KMT2A: variants seen among roughly 807,000 people sequenced by gnomAD.
KMT2A encodes the protein histone-lysine N-methyltransferase 2A.
Under a neutral mutation model 345.3 loss-of-function variants are expected in KMT2A, and 16 were observed. The ratio of observed to expected loss-of-function variants is 0.05; its 90% CI spans 0.03 to 0.07. KMT2A has a LOEUF of 0.07. Among genes scored for constraint, KMT2A ranks in the 10% least tolerant of loss-of-function variants. The pLI, the probability that KMT2A is intolerant of heterozygous loss-of-function variation, is 1.00. For missense variants in KMT2A, 3,272 were observed against 4,841.6 expected, an observed-to-expected ratio of 0.68 and a Z score of 9.62; for synonymous variants, 1,599 against 1,778.6, an observed-to-expected ratio of 0.90 and a Z score of 2.54.
At position 118,481,692 on chromosome 11, in the gene KMT2A, A is replaced by G. The variant is rs368396469; in HGVS notation, c.3635-23A>G. ...AAATTATTCTCACTATAGACAGATG[A>G]TGTTGTTGTGTTTTTCCCTCAGCTG... On this transcript the variant is annotated intron_variant, in intron 6 of 35. Transcript: ENST00000534358. 3.8e-6 allele frequency: 6 copies of G among 1,594,264 alleles called. No homozygotes were observed. In the African/African-American group the frequency reaches 5.4e-5, roughly 14 times the overall value.
rs1451900584 is a variant in KMT2A at position 118,509,289 on chromosome 11, A to AT, written c.10900+92dup. The AT allele has an allele frequency of 5.6e-6, 6 of 1,078,366 alleles. No individual in the cohort carries two copies. The African/African-American group carries it at 9.9e-5, about 18-fold the overall frequency. 66.8% of individuals were successfully genotyped at this position (1,078,366 alleles called of 1,614,324 possible). A position where few individuals can be genotyped will look rare whatever the true frequency, so the allele number is the denominator to read the frequency against. ...CCCACTTTACCTACTTATTTTCTACATTTAAAAAAAAAAATCTAAGCTCCA... is the reference window on the plus strand; with the variant it reads ...CCCACTTTACCTACTTATTTTCTACATTTTAAAAAAAAAAATCTAAGCTCCA... On this transcript the variant is annotated intron_variant, in intron 29 of 35. Coordinates refer to ENST00000534358, the MANE Select transcript of KMT2A (RefSeq NM_001197104.2).
At position 118,505,901 on chromosome 11, in the gene KMT2A, T is replaced by C. The variant is rs782531013; in HGVS notation, c.10009T>C (p.Leu3337=). Residue 3337 remains leucine, a synonymous_variant, in exon 27 of 36, where the codon TTG becomes CTG. Transcript: ENST00000534358. This position sits in a 1 kb window ranked among gnomAD's most constrained non-coding sequence, Gnocchi z 4.6. ...CCTCACATCAGGGTCTGTGTCTGGC[T>C]TGGCATCCAGTTCCTCTGTCTTGAA... The part of the protein sequence containing the change: ...SHLTSGSVSG[L]ASSSSVLNVV... The C allele has an allele frequency of 1.9e-5, 30 of 1,614,092 alleles. No homozygotes were observed. The Admixed American group carries it at 5.0e-4, about 27-fold the overall frequency.
Position 118,490,019 on chromosome 11 carries a change from A to ATTTAATT in KMT2A, c.4576-109_4576-108insTTAATTT. 7.0e-7 allele frequency: 1 copy of ATTTAATT among 1,433,994 alleles called. No homozygotes were observed. The highest frequency in any genetic ancestry group is 2.4e-5 in the East Asian group (1 of 41,886). 88.8% of individuals were successfully genotyped at this position (1,433,994 alleles called of 1,614,324 possible). ...CTTTTTGCCTCATTACTAGGAAATC[A>ATTTAATT]TCTCAGCAGAGAAATTAAATCTATA... On this transcript the variant is annotated intron_variant, in intron 12 of 35. Coordinates refer to ENST00000534358, the MANE Select transcript of KMT2A (RefSeq NM_001197104.2). The surrounding 1 kb of genome is among the most constrained non-coding windows in gnomAD (Gnocchi z 4.2).
intron 1 of KMT2A, among the ~76,000 whole-genome samples, chr11:118,456,085 C>G (rs1231560997): frequency 6.6e-6 from 1 of 152,102 alleles, no homozygotes; most frequent in Admixed American, 6.5e-5. Flanking sequence ...ATCCCACTGC[C>G]TCAGGCCCCC....
At chr11:118,456,552 C>A (rs1555030934) in intron 1 of KMT2A, among the ~76,000 whole-genome samples, 1 of 151,964 alleles carries the variant, frequency 6.6e-6, no homozygotes, top group Non-Finnish European at 1.5e-5. Flanking sequence ...GTTGGCCAGG[C>A]TGGTCTCAAA....
intron 2 of KMT2A, among the ~76,000 whole-genome samples, chr11:118,470,283 G>T (rs782279032): frequency 6.6e-6 from 1 of 152,142 alleles, no homozygotes; most frequent in Non-Finnish European, 1.5e-5. Flanking sequence ...TTTCCGGGCA[G>T]GAGTTGTTTT....
At chr11:118,462,151 A>G (rs999159841) in intron 1 of KMT2A, among the ~76,000 whole-genome samples, 1 of 151,912 alleles carries the variant, frequency 6.6e-6, no homozygotes, top group Non-Finnish European at 1.5e-5. Context: ...ACGGGGTTTC[A>G]CCATGCTGGC....
At position 118,473,507 on chromosome 11, in the gene KMT2A, C is replaced by G. The variant is rs200946943; in HGVS notation, c.2348C>G (p.Ser783Cys). The G allele has an allele frequency of 6.2e-7, 1 of 1,614,152 alleles. No homozygotes were observed. Among genetic ancestry groups the G allele is most frequent in the East Asian group, 2.2e-5 (1 of 44,882 alleles). The change falls in exon 3 of 36, where the codon TCT becomes TGT. Residue 783 changes from serine (S) to cysteine (C), a missense_variant. By Grantham distance (112) the Ser-to-Cys change is moderately radical. This residue lies in a region of KMT2A where 209 missense variants were observed against 237.4 expected (regional missense o/e 0.88). Transcript: ENST00000534358. The surrounding 1 kb of genome is among the most constrained non-coding windows in gnomAD (Gnocchi z 5.2). Reference protein sequence around the residue: ...PSSVSSSLSISVSPLATSALN... With the variant: ...PSSVSSSLSICVSPLATSALN... ...TCTGTCTCTTCCTCGTTAAGCATTT[C>G]TGTTAGTCCTCTTGCCACTAGTGCC...
chr11:118,490,214 C>A lies in KMT2A; in HGVS notation c.4661C>A (p.Ser1554Ter). 1 of 1,579,270 alleles carries A rather than the reference C, an allele frequency of 6.3e-7. No individual in the cohort carries two copies. The highest frequency in any genetic ancestry group is 8.5e-7 in the Non-Finnish European group (1 of 1,170,788). ...GATGCACAGTGGTCTCATGATTTCT[C>A]ACTGTGTCATGATTGCGCCAAGCTC... ...GWDAQWSHDFSLCHDCAKLFA... is the reference protein window; with the variant it reads ...GWDAQWSHDF The change falls in exon 13 of 36, where the codon TCA becomes TAA. Residue 1554 changes from serine (S) to a stop codon, truncating the protein, a stop_gained. Transcript: ENST00000534358. LOFTEE classifies it high-confidence loss of function. The surrounding 1 kb of genome is among the most constrained non-coding windows in gnomAD (Gnocchi z 4.2).
chr11:118,447,595 C>A, intron 1 of KMT2A: 1 of 443,036 alleles, frequency 2.3e-6, no homozygotes, highest in Non-Finnish European at 4.5e-6. Context: ...ACTGATCATC[C>A]CCTTACTTGA....
At chr11:118,440,293 A>G (rs1363759187) in intron 1 of KMT2A, among the ~76,000 whole-genome samples, 1 of 152,212 alleles carries the variant, frequency 6.6e-6, no homozygotes, top group African/African-American at 2.4e-5. Flanking sequence ...TATGACAATT[A>G]GGAAGTAGAA....
In KMT2A at chr11:118,522,237, C is replaced by A; in HGVS notation, c.*65C>A. ...GGGCCATCCAAAGCAACGCTGAAGG[C>A]CTTTTCCAGCAGCTGGGAGCTCCCG... is the stretch of plus-strand genomic sequence containing the variant. On this transcript the variant is annotated 3_prime_UTR_variant, in exon 36 of 36. Transcript: ENST00000534358. The surrounding 1 kb of genome is among the most constrained non-coding windows in gnomAD (Gnocchi z 5.4). 1 of 1,569,948 alleles carries A rather than the reference C, an allele frequency of 6.4e-7. No homozygotes were observed. Among genetic ancestry groups the A allele is most frequent in the Non-Finnish European group, 8.7e-7 (1 of 1,151,034 alleles).
chr11:118,501,237 C>A, intron 25 of KMT2A, 90 bp downstream of exon 25: 3 of 1,186,974 alleles, frequency 2.5e-6, no homozygotes, highest in East Asian at 2.4e-5. Context: ...GCAGGTGAAT[C>A]ACTTGAGGCC....
chr11:118,469,361 A>AT (rs1259122117), intron 2 of KMT2A, among the ~76,000 whole-genome samples: 2 of 151,834 alleles, frequency 1.3e-5, no homozygotes, highest in African/African-American at 2.4e-5. Flanking sequence ...TTTGGCCATT[A>AT]TTTTTTTTGG....
chr11:118,461,826 A>G (rs1949749144), intron 1 of KMT2A, among the ~76,000 whole-genome samples: 1 of 152,206 alleles, frequency 6.6e-6, no homozygotes. Flanking sequence ...TTGGGAAGCC[A>G]ACACTCTTAC....
intron 31 of KMT2A, among the ~76,000 whole-genome samples, chr11:118,513,392 C>CTTT (rs1284065947): frequency 6.9e-6 from 1 of 144,752 alleles, no homozygotes; most frequent in East Asian, 2.0e-4. Flanking sequence ...GGAATTTTAA[C>CTTT]TTTTTTTTTT....
chr11:118,493,185 A>G lies in KMT2A; in HGVS notation c.5133A>G (p.Leu1711=), dbSNP rs556592051. ...AGGATGATCAGCAGCCTTTAGATCT[A>G]GAAGGAGTCAAGAGGAAGATGGACC... ...SKQDDQQPLD[L]EGVKRKMDQG... Residue 1711 remains leucine (L), a synonymous_variant, in exon 16 of 36, where the codon CTA becomes CTG. Transcript: ENST00000534358. This position sits in a 1 kb window ranked among gnomAD's most constrained non-coding sequence, Gnocchi z 5.8. 2 of 1,614,150 alleles carry G rather than the reference A, an allele frequency of 1.2e-6. No individual in the cohort carries two copies. Among genetic ancestry groups the G allele is most frequent in the Admixed American group, 1.7e-5 (1 of 60,032 alleles).
At chr11:118,437,917 TGGG>T (rs780980336) in intron 1 of KMT2A, among the ~76,000 whole-genome samples, 91 of 152,138 alleles carry the variant, frequency 6.0e-4, no homozygotes, top group Non-Finnish European at 1.1e-3. Context: ...AGGTGTTTGT[TGGG>T]GGACTGAGGC....
At position 118,491,455 on chromosome 11, in the gene KMT2A, G is replaced by A. The variant is rs1348563156; in HGVS notation, c.4819+137G>A. 14 of 848,408 alleles carry A rather than the reference G, an allele frequency of 1.7e-5. No homozygotes were observed. Among genetic ancestry groups the A allele is most frequent in the Non-Finnish European group, 2.3e-5 (13 of 566,688 alleles). 52.6% of individuals were successfully genotyped at this position (848,408 alleles called of 1,614,324 possible). ...ATTTATTTTTTAGTCTCTAGAATAA[G>A]CAGCATTGTATTATTTGTGCTCACT... On this transcript the variant is annotated intron_variant, in intron 14 of 35. Coordinates refer to ENST00000534358, the MANE Select transcript of KMT2A (RefSeq NM_001197104.2). This position sits in a 1 kb window ranked among gnomAD's most constrained non-coding sequence, Gnocchi z 4.2.
Sources: allele counts gnomAD v4.1 joint callset (sites outside exome capture counted in the v4.1 genomes callset), GRCh38; gene constraint gnomAD v4.1.1; regional missense constraint gnomAD v4.1.1; non-coding constraint Gnocchi (gnomAD v3.1); transcripts MANE v1.5; gene names NCBI Gene and HGNC (gene_info 2026-07-23, HGNC 2026-07-21).